DNAH11: variants seen among roughly 807,000 people sequenced by gnomAD.
The protein encoded by DNAH11 is axonemal beta dynein heavy chain 11.
A neutral mutation model predicts 526.0 loss-of-function variants in DNAH11; 442 were observed. That is an observed-to-expected ratio of 0.84 (90% CI 0.78 to 0.91). DNAH11 has a LOEUF of 0.91. Among genes scored for constraint, DNAH11 ranks in the 40% least tolerant of loss-of-function variants. The pLI, the probability that DNAH11 is intolerant of heterozygous loss-of-function variation, is 0.00. For synonymous variants in DNAH11, 2,461 were observed against 1,935.9 expected (o/e 1.27, Z -7.12); for missense variants, 6,989 against 5,448.7 (o/e 1.28, Z -8.90).
intron 77 of DNAH11, among the ~76,000 whole-genome samples, chr7:21,894,398 G>A (rs898075043): frequency 7.9e-5 from 12 of 152,348 alleles, no homozygotes; most frequent in Admixed American, 7.2e-4. Flanking sequence ...CCATGGAAGG[G>A]GAAGTGCTGG....
chr7:21,800,580 T>C lies in DNAH11; in HGVS notation c.10027-557T>C, dbSNP rs1583709347. Among the ~76,000 whole-genome samples, 4 of 152,056 alleles carry C rather than the reference T, an allele frequency of 2.6e-5. No individual in the cohort carries two copies. In the East Asian group the frequency reaches 7.7e-4, roughly 29 times the overall value. Reference sequence around the variant, plus strand: ...CTGGGGGACAGAGGTTGCAGTGAGCTGAGATTGCACCATCGCATCCAGCCT... The same window carrying C: ...CTGGGGGACAGAGGTTGCAGTGAGCCGAGATTGCACCATCGCATCCAGCCT... On this transcript the variant is annotated intron_variant, in intron 61 of 81. Transcript: ENST00000409508.
intron 30 of DNAH11, among the ~76,000 whole-genome samples, chr7:21,668,075 A>G (rs1212024360): frequency 2.0e-5 from 3 of 152,224 alleles, no homozygotes; most frequent in Non-Finnish European, 4.4e-5. Context: ...TATACTTGAT[A>G]GAAAAACCAC....
At chr7:21,872,746 A>G (rs1783550848) in intron 73 of DNAH11, among the ~76,000 whole-genome samples, 1 of 152,232 alleles carries the variant, frequency 6.6e-6, no homozygotes, top group South Asian at 2.1e-4. Flanking sequence ...CATCTTAACA[A>G]TGAATGATTG....
Position 21,559,676 on chromosome 7 carries a change from G to A in DNAH11, c.766G>A (p.Glu256Lys). Reference protein sequence around the residue: ...VVIEWSHQIQEIIERDSVQRL... With the variant: ...VVIEWSHQIQKIIERDSVQRL... ...TATTGAATGGTCACATCAAATCCAA[G>A]AAATTATAGAAAGAGATTCAGTGCA... The change falls in exon 4 of 82, where the codon GAA (glutamate) becomes AAA (lysine). Residue 256 changes from glutamate (E) to lysine (K), a missense_variant. By Grantham distance (56) the Glu-to-Lys change is moderately conservative (BLOSUM62 1). Coordinates refer to ENST00000409508, the MANE Select transcript of DNAH11 (RefSeq NM_001277115.2). 1.9e-6 allele frequency: 3 copies of A among 1,611,696 alleles called. No homozygotes were observed. The highest frequency in any genetic ancestry group is 2.5e-6 in the Non-Finnish European group (3 of 1,178,948).
intron 5 of DNAH11, among the ~76,000 whole-genome samples, chr7:21,563,977 C>G (rs1321019809): frequency 2.6e-5 from 4 of 152,138 alleles, no homozygotes; most frequent in Non-Finnish European, 5.9e-5. Flanking sequence ...GATCAGTGCT[C>G]TCCCAGATGA....
At chr7:21,635,488 A>G (rs1786818358) in intron 25 of DNAH11, among the ~76,000 whole-genome samples, 1 of 152,052 alleles carries the variant, frequency 6.6e-6, no homozygotes, top group Admixed American at 6.5e-5. Flanking sequence ...ACATACCTAT[A>G]CAATCTTGGC....
At chr7:21,587,706 G>C (rs1388903629) in intron 9 of DNAH11, among the ~76,000 whole-genome samples, 1 of 152,152 alleles carries the variant, frequency 6.6e-6, no homozygotes, top group African/African-American at 2.4e-5. Flanking sequence ...ACATATGTAG[G>C]AGGGAAGAAC....
intron 74 of DNAH11, 35 bp downstream of exon 74, chr7:21,873,536 G>C (rs373494936): frequency 6.6e-5 from 106 of 1,599,350 alleles, no homozygotes; most frequent in Non-Finnish European, 8.8e-5. Context: ...AGACAATGAA[G>C]TCAGAGTCAT....
chr7:21,783,204 G>A (rs1290736034), intron 57 of DNAH11, among the ~76,000 whole-genome samples: 1 of 152,102 alleles, frequency 6.6e-6, no homozygotes, highest in African/African-American at 2.4e-5. Context: ...TGGTTTTGGA[G>A]TAGTTCTCAG....
chr7:21,590,760 T>C (rs1784643799), intron 12 of DNAH11, among the ~76,000 whole-genome samples, 158 bp from the exon 13 acceptor site: 1 of 152,230 alleles, frequency 6.6e-6, no homozygotes, highest in African/African-American at 2.4e-5. Flanking sequence ...ATGTATGATT[T>C]TTGTTTTTAA....
At chr7:21,579,767 T>C (rs766665257) in intron 8 of DNAH11, among the ~76,000 whole-genome samples, 1 of 152,292 alleles carries the variant, frequency 6.6e-6, no homozygotes, top group Non-Finnish European at 1.5e-5. Flanking sequence ...GAAAGTGACA[T>C]GATAAGATTT....
intron 66 of DNAH11, among the ~76,000 whole-genome samples, chr7:21,848,390 G>A (rs1782501354): frequency 1.3e-5 from 2 of 150,146 alleles, no homozygotes; most frequent in African/African-American, 4.9e-5. Flanking sequence ...GGGTTTTATA[G>A]ACAGATAGGT....
In DNAH11 at chr7:21,720,822, T is replaced by C. The variant is rs774038334; in HGVS notation, c.7232T>C (p.Ile2411Thr). 2 of 1,613,076 alleles carry C rather than the reference T, an allele frequency of 1.2e-6. No homozygotes were observed. The highest frequency in any genetic ancestry group is 1.1e-5 in the South Asian group (1 of 90,864). Residue 2411 changes from isoleucine (I) to threonine (T), a missense_variant, in exon 44 of 82, where the codon ATC becomes ACC. Transcript: ENST00000409508. Reference sequence around the variant, plus strand: ...GAAGTCTATTTTGTATTTGCTTGTATCTGGGCTTTTGGAGGCACCCTGCTA... The same window carrying C: ...GAAGTCTATTTTGTATTTGCTTGTACCTGGGCTTTTGGAGGCACCCTGCTA... ...VYEVYFVFACIWAFGGTLLQD... is the reference protein window; with the variant it reads ...VYEVYFVFACTWAFGGTLLQD...
At chr7:21,638,019 G>C (rs1251693431) in intron 27 of DNAH11, among the ~76,000 whole-genome samples, 1 of 150,958 alleles carries the variant, frequency 6.6e-6, no homozygotes, top group East Asian at 1.9e-4. Flanking sequence ...AATATTGATT[G>C]AGCACCTGGG....
At chr7:21,801,415 C>A in intron 62 of DNAH11, 140 bp downstream of exon 62, 1 of 1,153,782 alleles carries the variant, frequency 8.7e-7, no homozygotes, top group Non-Finnish European at 1.2e-6. Context: ...CATCCTGTGG[C>A]TCTAACTCAC....
intron 43 of DNAH11, among the ~76,000 whole-genome samples, chr7:21,719,854 A>T (rs1339168855): frequency 6.6e-6 from 1 of 152,236 alleles, no homozygotes; most frequent in Non-Finnish European, 1.5e-5. Flanking sequence ...CTGGGGGAAG[A>T]GTCTCTTGAG....
intron 42 of DNAH11, among the ~76,000 whole-genome samples, chr7:21,712,954 A>C (rs1417789847): frequency 6.6e-6 from 1 of 152,204 alleles, no homozygotes; most frequent in Admixed American, 6.5e-5. Context: ...TAAGTGAATA[A>C]ACAATGAAAG....
At chr7:21,690,725 A>G (rs759087207) in intron 34 of DNAH11, 40 bp from the exon 35 acceptor site, 30 of 1,468,538 alleles carry the variant, frequency 2.0e-5, no homozygotes, top group Non-Finnish European at 2.6e-5. Context: ...TTCATATTCA[A>G]TGAACACATT....
chr7:21,701,700 G>A (rs910231499), intron 36 of DNAH11, among the ~76,000 whole-genome samples: 6 of 152,286 alleles, frequency 3.9e-5, no homozygotes, highest in South Asian at 2.1e-4. Context: ...ATCCACTAGT[G>A]GAGTAAATGG....
Sources: allele counts gnomAD v4.1 joint callset (sites outside exome capture counted in the v4.1 genomes callset), GRCh38; gene constraint gnomAD v4.1.1; transcripts MANE v1.5; gene names NCBI Gene and HGNC (gene_info 2026-07-23, HGNC 2026-07-21).